FAM133B: variants seen among roughly 807,000 people sequenced by gnomAD.
FAM133B encodes protein FAM133B.
Under a neutral mutation model 46.4 loss-of-function variants are expected in FAM133B, and 25 were observed. The ratio of observed to expected loss-of-function variants is 0.54; its 90% CI spans 0.39 to 0.75. FAM133B has a LOEUF of 0.75. Among genes scored for constraint, FAM133B ranks in the 30% least tolerant of loss-of-function variants. FAM133B has a pLI of 0.00. For synonymous variants in FAM133B, 75 were observed against 86.0 expected (o/e 0.87, Z 0.71); for missense variants, 205 against 277.6 (o/e 0.74, Z 1.86).
chr7:92,566,182 T>G (rs1794343336), intron 9 of FAM133B, 121 bp from the exon 10 acceptor site: 1 of 859,354 alleles, frequency 1.2e-6, no homozygotes, highest in African/African-American at 1.7e-5. Flanking sequence ...ATTTTGACAA[T>G]CACAGGACAT....
intron 4 of FAM133B, 37 bp downstream of exon 4, chr7:92,578,282 G>C: frequency 6.2e-7 from 1 of 1,607,040 alleles, no homozygotes; most frequent in Non-Finnish European, 8.5e-7. Flanking sequence ...ATCCAACTAT[G>C]AGATTAAGAA....
Position 92,577,668 on chromosome 7 carries a change from T to C in FAM133B, c.359A>G (p.Asp120Gly), listed in dbSNP as rs775299882. Residue 120 changes from aspartate (D) to glycine (G), a missense_variant, in exon 6 of 11, where the codon GAT becomes GGT. Asp to Gly is a moderately conservative substitution (Grantham distance 94). Coordinates refer to ENST00000445716, the MANE Select transcript of FAM133B (RefSeq NM_152789.4). ...AGCAAACCTTACCTCATCTTCAGAA[T>C]CAGAAGAACTGCTGGAAGAATCAGA... ...SSSDSSSSSS[D>G]SEDEDKKQGK... 10 of 1,583,022 alleles carry C rather than the reference T, an allele frequency of 6.3e-6. No individual in the cohort carries two copies. The highest frequency in any genetic ancestry group is 1.7e-6 in the Non-Finnish European group (2 of 1,163,306).
intron 8 of FAM133B, among the ~76,000 whole-genome samples, chr7:92,572,889 G>T (rs1251457833): frequency 1.3e-5 from 2 of 152,144 alleles, no homozygotes; most frequent in South Asian, 4.1e-4. Context: ...ATAAGCAAAA[G>T]AAACAAACTT....
chr7:92,588,873 C>T (rs1795110594), intron 1 of FAM133B, among the ~76,000 whole-genome samples: 1 of 152,202 alleles, frequency 6.6e-6, no homozygotes, highest in Admixed American at 6.5e-5. Flanking sequence ...CTTTGCCTTC[C>T]ACCATGAGTA....
At chr7:92,571,417 T>C (rs1313456753) in intron 8 of FAM133B, among the ~76,000 whole-genome samples, 1 of 152,230 alleles carries the variant, frequency 6.6e-6, no homozygotes, top group Admixed American at 6.5e-5. Context: ...TAGAAGTTTT[T>C]CTTAGTCTGT....
chr7:92,585,922 T>C (rs1484017384), intron 1 of FAM133B, among the ~76,000 whole-genome samples: 1 of 152,198 alleles, frequency 6.6e-6, no homozygotes, highest in Non-Finnish European at 1.5e-5. Context: ...TGTCCTTATG[T>C]AAAAATTCAC....
At chr7:92,589,816 CTG>C (rs1417371233) in intron 1 of FAM133B, 1 of 164,586 alleles carries the variant, frequency 6.1e-6, no homozygotes, top group African/African-American at 2.4e-5. Context: ...GTCGAGGCCT[CTG>C]TGCCTCCCTC....
chr7:92,589,072 G>A (rs1795116350), intron 1 of FAM133B, among the ~76,000 whole-genome samples: 1 of 152,152 alleles, frequency 6.6e-6, no homozygotes, highest in Admixed American at 6.5e-5. Flanking sequence ...AGTCTCCTTT[G>A]GTGTGAGACA....
At chr7:92,569,966 C>T (rs544122262) in intron 8 of FAM133B, 51 bp from the exon 9 acceptor site, 2 of 792,432 alleles carry the variant, frequency 2.5e-6, no homozygotes, top group Non-Finnish European at 1.8e-6. Flanking sequence ...TTGTCACACA[C>T]ATTTTATGTT....
chr7:92,566,202 C>G, intron 9 of FAM133B, 141 bp from the exon 10 acceptor site: 1 of 724,778 alleles, frequency 1.4e-6, no homozygotes, highest in Non-Finnish European at 2.3e-6. Flanking sequence ...TTTAAAATAA[C>G]TCCTGTTATA....
chr7:92,578,172 T>C lies in FAM133B; in HGVS notation c.287A>G (p.Lys96Arg). The C allele has an allele frequency of 6.2e-7, 1 of 1,610,660 alleles. No homozygotes were observed. Among genetic ancestry groups the C allele is most frequent in the Non-Finnish European group, 8.5e-7 (1 of 1,178,892 alleles). ...SSSKKRQRKKKEKKKSGRYSS... is the reference protein window; with the variant it reads ...SSSKKRQRKKREKKKSGRYSS... ...CACCCTACCAGATTTCTTCTTTTCT[T>C]TTTTCTTTCTCTAAATGGAAACAAA... Residue 96 changes from lysine to arginine, a missense_variant, in exon 5 of 11, where the codon AAA becomes AGA. Physicochemically the swap from Lys to Arg is conservative, Grantham distance 26 (BLOSUM62 2). Transcript: ENST00000445716.
chr7:92,562,865 A>C (rs1183623182), intron 10 of FAM133B, among the ~76,000 whole-genome samples: 2 of 152,234 alleles, frequency 1.3e-5, no homozygotes, highest in Non-Finnish European at 1.5e-5. Context: ...ATTAATTATT[A>C]AATTATTAAA....
chr7:92,579,707 G>C (rs1794806944), intron 2 of FAM133B, among the ~76,000 whole-genome samples: 1 of 152,132 alleles, frequency 6.6e-6, no homozygotes, highest in South Asian at 2.1e-4. Context: ...TCTGAGAAAA[G>C]GTATGGATCC....
rs1401234995 is a variant in FAM133B, at chr7:92,590,385, C to CA, written c.-95dup. On this transcript the variant is annotated 5_prime_UTR_variant, in exon 1 of 11. Transcript: ENST00000445716. ...GCCGCAGGTCCTCTTGCCGCCTCCC[C>CA]ACTCCGCCTAGAGAGCGGCACCACG... 5 of 1,585,280 alleles carry CA rather than the reference C, an allele frequency of 3.2e-6. No individual in the cohort carries two copies. In the Admixed American group the frequency reaches 5.2e-5, roughly 16 times the overall value.
rs1317908795 is a variant in FAM133B at position 92,586,711 on chromosome 7, AAG to A, written c.24+3555_24+3556del. Among the ~76,000 whole-genome samples, 36 of 152,232 alleles carry A rather than the reference AAG, an allele frequency of 2.4e-4. 1 individual carries two copies. The highest frequency in any genetic ancestry group is 2.2e-4 in the Non-Finnish European group (15 of 68,046). ...GGATATGTATGGGGGCAGGTACAAAAAGAGCAATGCAGTAAAACTGGCTAAAG... is the reference window on the plus strand; with the variant it reads ...GGATATGTATGGGGGCAGGTACAAAAAGCAATGCAGTAAAACTGGCTAAAG... On this transcript the variant is annotated intron_variant, in intron 1 of 10. Coordinates refer to ENST00000445716, the MANE Select transcript of FAM133B (RefSeq NM_152789.4).
chr7:92,564,772 C>A (rs528383785), intron 10 of FAM133B, among the ~76,000 whole-genome samples: 20 of 152,292 alleles, frequency 1.3e-4, no homozygotes, highest in African/African-American at 4.8e-4. Context: ...CCCTAAATTA[C>A]TTTGCTGATA....
intron 7 of FAM133B, among the ~76,000 whole-genome samples, chr7:92,576,072 A>G (rs553152117): frequency 1.6e-4 from 24 of 152,334 alleles, no homozygotes; most frequent in Non-Finnish European, 2.5e-4. Context: ...ATACCCACAC[A>G]GCTTATTTTA....
Position 92,590,065 on chromosome 7 carries a change from G to T in FAM133B, c.24+203C>A, listed in dbSNP as rs1336996693. On this transcript the variant is annotated intron_variant, in intron 1 of 10. Transcript: ENST00000445716. ...GAGGTGAGGGAAGAAAAAAGGGGCG[G>T]GCAAGAGAGAGCTGGGAACCCTAAA... 4.6e-6 allele frequency: 3 copies of T among 652,934 alleles called. 1 individual carries two copies. The South Asian group carries it at 5.9e-5, about 13-fold the overall frequency. The allele number at this position is 652,934 out of a possible 1,614,324, so 40.4% of individuals were successfully genotyped here. A position where few individuals can be genotyped will look rare whatever the true frequency, so the allele number is the denominator to read the frequency against.
intron 10 of FAM133B, among the ~76,000 whole-genome samples, chr7:92,563,582 T>C (rs1794224112): frequency 6.6e-6 from 1 of 152,162 alleles, no homozygotes; most frequent in South Asian, 2.1e-4. Context: ...TACATTCCAC[T>C]TAAAACCAAT....
Sources: gnomAD v4.1 joint callset for allele counts (sites outside exome capture counted in the v4.1 genomes callset) on GRCh38, gnomAD v4.1.1 for gene constraint, MANE v1.5 for transcripts, NCBI Gene and HGNC (gene_info 2026-07-23, HGNC 2026-07-21) for gene names.